The following PRKCE variants were observed in gnomAD, a reference collection of about 807,000 sequenced individuals.
The protein encoded by PRKCE is protein kinase C epsilon type.
Under a neutral mutation model 85.4 loss-of-function variants are expected in PRKCE, and 16 were observed. That is an observed-to-expected ratio of 0.19 (90% CI 0.13 to 0.28). The LOEUF (loss-of-function observed/expected upper bound fraction) is 0.28. Among genes scored for constraint, PRKCE ranks in the 10% least tolerant of loss-of-function variants. The probability of loss-of-function intolerance (pLI) is 1.00; values close to 1 mark genes in which losing one functional copy is unlikely to be tolerated. For synonymous variants in PRKCE, 388 were observed against 371.5 expected (o/e 1.04, Z -0.51); for missense variants, 573 against 975.2 (o/e 0.59, Z 5.49).
rs1375038977 is a variant in PRKCE, at chr2:45,895,325, T to C, written c.412+52262T>C. Among the ~76,000 whole-genome samples, 1 of 152,184 alleles carries C rather than the reference T, an allele frequency of 6.6e-6. No homozygotes were observed. Among genetic ancestry groups the C allele is most frequent in the Non-Finnish European group, 1.5e-5 (1 of 68,024 alleles). On this transcript the variant is annotated intron_variant, in intron 2 of 14. Transcript: ENST00000306156. This position sits in a 1 kb window ranked among gnomAD's most constrained non-coding sequence, Gnocchi z 4.8. ...ACCTCTCCATCCACAGTGACTTATA[T>C]GGACTTAAGGGAGTTTCAGTCGGGG...
intron 1 of PRKCE, among the ~76,000 whole-genome samples, chr2:45,793,045 C>T (rs542015984): frequency 8.5e-5 from 13 of 152,318 alleles, no homozygotes; most frequent in African/African-American, 1.4e-4. Flanking sequence ...GTGATCTGCC[C>T]GCCTTGGCCT....
At chr2:45,948,816 A>G (rs776636569) in intron 2 of PRKCE, among the ~76,000 whole-genome samples, 1 of 152,168 alleles carries the variant, frequency 6.6e-6, no homozygotes, top group Admixed American at 6.5e-5. Flanking sequence ...AAGACTGCCA[A>G]TATATGTTTG....
intron 1 of PRKCE, chr2:45,675,495 A>G (rs1463626066): frequency 1.3e-5 from 2 of 152,264 alleles, no homozygotes; most frequent in Non-Finnish European, 2.9e-5. Flanking sequence ...TAAATGAATC[A>G]TAACAGTTGC....
chr2:45,977,824 C>T (rs1702579627), intron 3 of PRKCE, among the ~76,000 whole-genome samples: 1 of 152,134 alleles, frequency 6.6e-6, no homozygotes, highest in South Asian at 2.1e-4. Flanking sequence ...TGATACTTTT[C>T]CTGACATCCC....
intron 1 of PRKCE, among the ~76,000 whole-genome samples, chr2:45,685,779 G>A (rs1312361436): frequency 3.3e-5 from 5 of 152,200 alleles, no homozygotes; most frequent in African/African-American, 1.2e-4. Context: ...CGTGGACTGG[G>A]TAGTATTTGG....
Position 46,159,572 on chromosome 2 carries a change from G to C in PRKCE, c.1921-34G>C, listed in dbSNP as rs1677554840. 2 of 1,558,914 alleles carry C rather than the reference G, an allele frequency of 1.3e-6. No individual in the cohort carries two copies. Among genetic ancestry groups the C allele is most frequent in the South Asian group, 2.4e-5 (2 of 85,036 alleles). On this transcript the variant is annotated intron_variant, in intron 13 of 14. Coordinates refer to ENST00000306156, the MANE Select transcript of PRKCE (RefSeq NM_005400.3). The surrounding 1 kb of genome is among the most constrained non-coding windows in gnomAD (Gnocchi z 4.1). Reference sequence around the variant, plus strand: ...TATAGCCTGTGCTGGCCAGGCCTTTGTCACTAATTCCGACTCTGTCCTCAT... The same window carrying C: ...TATAGCCTGTGCTGGCCAGGCCTTTCTCACTAATTCCGACTCTGTCCTCAT...
chr2:45,865,295 A>AAGGAGG (rs762381610), intron 2 of PRKCE, among the ~76,000 whole-genome samples: 2 of 152,028 alleles, frequency 1.3e-5, no homozygotes, highest in African/African-American at 4.8e-5. Flanking sequence ...CTTGTGGCAA[A>AAGGAGG]AGGAGGAGGA....
intron 2 of PRKCE, among the ~76,000 whole-genome samples, chr2:45,861,014 C>T (rs1693112324): frequency 1.3e-5 from 2 of 152,210 alleles, no homozygotes; most frequent in South Asian, 4.1e-4. Flanking sequence ...TGCAGTAACA[C>T]TTTCACTTTT....
chr2:45,655,471 A>C (rs1318005371), intron 1 of PRKCE, among the ~76,000 whole-genome samples: 1 of 152,080 alleles, frequency 6.6e-6, no homozygotes, highest in African/African-American at 2.4e-5. Context: ...ACCCTGATGT[A>C]GACACTTAAC....
chr2:45,864,365 G>A lies in PRKCE; in HGVS notation c.412+21302G>A, dbSNP rs1693412191. 4.6e-5 allele frequency among the ~76,000 whole-genome samples: 7 copies of A among 152,296 alleles called. No individual in the cohort carries two copies. The South Asian group carries it at 1.5e-3, about 32-fold the overall frequency. ...CTAACAATAACTGCCCTGGAGAATGGTCTTAAGTCCTACCACACCACCCTC... is the reference window on the plus strand; with the variant it reads ...CTAACAATAACTGCCCTGGAGAATGATCTTAAGTCCTACCACACCACCCTC... On this transcript the variant is annotated intron_variant, in intron 2 of 14. Transcript: ENST00000306156.
intron 2 of PRKCE, among the ~76,000 whole-genome samples, chr2:45,952,361 G>T (rs1200626362): frequency 3.9e-5 from 6 of 152,144 alleles, no homozygotes; most frequent in African/African-American, 1.4e-4. Context: ...CACTATGCTG[G>T]GCTGTTCTTG....
At chr2:45,732,982 C>T (rs1681718661) in intron 1 of PRKCE, among the ~76,000 whole-genome samples, 2 of 152,192 alleles carry the variant, frequency 1.3e-5, no homozygotes, top group Non-Finnish European at 2.9e-5. Flanking sequence ...CTTTGCGGGC[C>T]ACAGAGTCTC....
chr2:46,010,958 C>T (rs527440597), intron 10 of PRKCE: 2 of 1,397,546 alleles, frequency 1.4e-6, no homozygotes, highest in South Asian at 3.5e-5. Context: ...AGGATGTGAA[C>T]AAATGCTTAA....
At chr2:46,048,173 G>A (rs957892630) in intron 10 of PRKCE, among the ~76,000 whole-genome samples, 4 of 152,082 alleles carry the variant, frequency 2.6e-5, no homozygotes, top group Non-Finnish European at 5.9e-5. Flanking sequence ...AGGGGAAAAG[G>A]AGAACTAAGT....
intron 13 of PRKCE, among the ~76,000 whole-genome samples, chr2:46,152,629 AC>A (rs1178378656): frequency 6.6e-6 from 1 of 151,510 alleles, no homozygotes; most frequent in Non-Finnish European, 1.5e-5. Flanking sequence ...GCTCACTGCA[AC>A]CTCTGCCTCT....
At chr2:45,696,926 G>C (rs1299761352) in intron 1 of PRKCE, among the ~76,000 whole-genome samples, 1 of 152,066 alleles carries the variant, frequency 6.6e-6, no homozygotes, top group Non-Finnish European at 1.5e-5. Flanking sequence ...AGAGCCCCCA[G>C]TCACAGACCT....
intron 2 of PRKCE, among the ~76,000 whole-genome samples, chr2:45,949,679 C>CT (rs965546768): frequency 1.6e-4 from 25 of 151,786 alleles, no homozygotes; most frequent in African/African-American, 5.5e-4. Flanking sequence ...TTATGTTTTG[C>CT]TTTTTGCACT....
intron 1 of PRKCE, among the ~76,000 whole-genome samples, chr2:45,840,216 T>C: frequency 6.6e-6 from 1 of 152,022 alleles, no homozygotes; most frequent in Admixed American, 6.6e-5. Flanking sequence ...GCCGGCAGGG[T>C]TTAATAGGGA....
chr2:46,007,533 GC>G lies in PRKCE; in HGVS notation c.1136del (p.Ala379AspfsTer8). The G allele has an allele frequency of 6.3e-7, 1 of 1,599,818 alleles. No individual in the cohort carries two copies. The highest frequency in any genetic ancestry group is 8.5e-7 in the Non-Finnish European group (1 of 1,179,966). On this transcript the variant is annotated frameshift_variant, in exon 9 of 15. Transcript: ENST00000306156. LOFTEE classifies it high-confidence loss of function. ...FDNRGEEHRA[A>X]SSPDGQLMSP... is the part of the protein sequence containing the mutation. ...CAACCGAGGAGAGGAGCACCGGGCA[GC>G]ATCGTCTCCTGATGGCCAGCTGATG...
Sources: allele counts gnomAD v4.1 joint callset (sites outside exome capture counted in the v4.1 genomes callset), GRCh38; gene constraint gnomAD v4.1.1; non-coding constraint Gnocchi (gnomAD v3.1); transcripts MANE v1.5; gene names NCBI Gene and HGNC (gene_info 2026-07-23, HGNC 2026-07-21).